CSNK1G1: variants seen among roughly 807,000 people sequenced by gnomAD.
CSNK1G1 encodes casein kinase I isoform gamma-1.
Under a neutral mutation model 59.6 loss-of-function variants are expected in CSNK1G1, and 22 were observed. That is an observed-to-expected ratio of 0.37 (90% CI 0.26 to 0.53). The LOEUF (loss-of-function observed/expected upper bound fraction) is 0.53. CSNK1G1 is among the 20% of genes least tolerant of loss of function. The pLI, the probability that CSNK1G1 is intolerant of heterozygous loss-of-function variation, is 0.89. For missense variants in CSNK1G1, 384 were observed against 519.5 expected, an observed-to-expected ratio of 0.74 and a Z score of 2.54; for synonymous variants, 179 against 177.1, an observed-to-expected ratio of 1.01 and a Z score of -0.08.
Position 64,207,504 on chromosome 15 carries a change from G to A in CSNK1G1, c.765+5C>T. 6.2e-7 allele frequency: 1 copy of A among 1,604,846 alleles called. No homozygotes were observed. The highest frequency in any genetic ancestry group is 8.5e-7 in the Non-Finnish European group (1 of 1,171,676). The stretch of plus-strand genomic sequence containing the variant: ...AAGCCCTCCACTGAACACTTTCAAG[G>A]ATACCTTGAGTCCTTGCCAGGGGAG... On this transcript the variant is annotated splice_donor_5th_base_variant and intron_variant, in intron 7 of 11. Transcript: ENST00000303052.
At chr15:64,292,999 G>A (rs1028704391) in intron 2 of CSNK1G1, among the ~76,000 whole-genome samples, 4 of 152,080 alleles carry the variant, frequency 2.6e-5, no homozygotes, top group Non-Finnish European at 4.4e-5. Context: ...GCAATTATTT[G>A]TACATTGAGG....
chr15:64,286,630 CT>C (rs761896618), intron 2 of CSNK1G1, among the ~76,000 whole-genome samples: 18 of 152,038 alleles, frequency 1.2e-4, no homozygotes, highest in Non-Finnish European at 2.2e-4. Flanking sequence ...TATTTATGAT[CT>C]TTGTACCCCC....
chr15:64,235,604 A>G (rs1596137361), intron 4 of CSNK1G1, among the ~76,000 whole-genome samples: 2 of 152,342 alleles, frequency 1.3e-5, no homozygotes, highest in South Asian at 4.1e-4. Context: ...AAGCAGAAAG[A>G]GTCTAAAAGT....
At chr15:64,181,136 C>T in intron 10 of CSNK1G1, 1 of 1,461,340 alleles carries the variant, frequency 6.8e-7, no homozygotes, top group East Asian at 2.5e-5. Flanking sequence ...TCCTCTCCGA[C>T]AAGAGGGAAG....
intron 1 of CSNK1G1, among the ~76,000 whole-genome samples, chr15:64,313,006 C>G (rs1447974005): frequency 6.6e-6 from 1 of 152,142 alleles, no homozygotes; most frequent in African/African-American, 2.4e-5. Context: ...TGAAAAAATG[C>G]TCATCATCAC....
intron 2 of CSNK1G1, among the ~76,000 whole-genome samples, chr15:64,260,802 C>A (rs1446267087): frequency 6.6e-6 from 1 of 152,034 alleles, no homozygotes; most frequent in African/African-American, 2.4e-5. Context: ...AACCTCTAGA[C>A]AACAGAAGGC....
In CSNK1G1 at chr15:64,168,953, T is replaced by G. The variant is rs550683747; in HGVS notation, c.*2978A>C. The G allele has an allele frequency of 4.6e-5, 7 of 152,796 alleles. 1 individual carries two copies. The South Asian group carries it at 1.5e-3, about 32-fold the overall frequency. 9.5% of individuals were successfully genotyped at this position (152,796 alleles called of 1,614,324 possible). On this transcript the variant is annotated 3_prime_UTR_variant, in exon 12 of 12. Coordinates refer to ENST00000303052, the MANE Select transcript of CSNK1G1 (RefSeq NM_022048.5). ...TAAAGGGACCTGGGATTCTTTACCC[T>G]TGTTATAAAAACCAAATATCTAGTA...
chr15:64,312,301 A>C (rs1251957750), intron 1 of CSNK1G1, among the ~76,000 whole-genome samples: 1 of 152,196 alleles, frequency 6.6e-6, no homozygotes, highest in Non-Finnish European at 1.5e-5. Flanking sequence ...AGCCAAGACA[A>C]TCCTAAGCAA....
rs1186836008 is a variant in CSNK1G1, at chr15:64,295,694, G to C, written c.181+4625C>G. On this transcript the variant is annotated intron_variant, in intron 2 of 11. Transcript: ENST00000303052. ...TACAACATGATAAGTATTACAATTA[G>C]AGCAAAATCTACAAGATGTCAACTT... Among the ~76,000 whole-genome samples the C allele has an allele frequency of 2.6e-5, 4 of 152,260 alleles. No homozygotes were observed. In the East Asian group the frequency reaches 7.7e-4, roughly 29 times the overall value.
intron 1 of CSNK1G1, among the ~76,000 whole-genome samples, chr15:64,346,388 G>A (rs368725731): frequency 1.3e-5 from 2 of 150,596 alleles, no homozygotes; most frequent in African/African-American, 4.9e-5. Flanking sequence ...ATAAATAGGA[G>A]AAAATGTAAG....
intron 11 of CSNK1G1, among the ~76,000 whole-genome samples, chr15:64,179,652 G>A (rs1189768472): frequency 6.6e-6 from 1 of 152,206 alleles, no homozygotes. Flanking sequence ...TGCTTTTGCA[G>A]CAGAATTGGC....
At position 64,318,536 on chromosome 15, in the gene CSNK1G1, ATTTC is replaced by A. The variant is rs556398050; in HGVS notation, c.-224-17817_-224-17814del. On this transcript the variant is annotated intron_variant, in intron 1 of 11. Transcript: ENST00000303052. ...GAAGGGCTGCTGAGTATAAACTTGT[ATTTC>A]TTTCTTTCTTTCTTTCTTTTTTTAA... Among the ~76,000 whole-genome samples, 13 of 148,932 alleles carry A rather than the reference ATTTC, an allele frequency of 8.7e-5. No homozygotes were observed. In the South Asian group the frequency reaches 1.1e-3, roughly 12 times the overall value.
At chr15:64,264,752 A>C (rs1393503201) in intron 2 of CSNK1G1, among the ~76,000 whole-genome samples, 2 of 152,264 alleles carry the variant, frequency 1.3e-5, no homozygotes, top group Non-Finnish European at 2.9e-5. Context: ...CGTCACATGA[A>C]CAGAATGAAA....
intron 2 of CSNK1G1, among the ~76,000 whole-genome samples, chr15:64,293,315 C>G (rs1596233071): frequency 6.6e-6 from 1 of 152,156 alleles, no homozygotes; most frequent in African/African-American, 2.4e-5. Context: ...GCAAAGGCCA[C>G]ATAGAAATAC....
intron 4 of CSNK1G1, among the ~76,000 whole-genome samples, chr15:64,239,509 G>A (rs1206044021): frequency 1.3e-5 from 2 of 152,022 alleles, no homozygotes; most frequent in South Asian, 2.1e-4. Context: ...ACAAGTAGCT[G>A]GGACTATAGG....
chr15:64,213,435 G>C (rs79201250), intron 6 of CSNK1G1, among the ~76,000 whole-genome samples: 6,585 of 152,246 alleles, frequency 0.043, 159 homozygotes, highest in South Asian at 0.081. Flanking sequence ...TATTTTCACT[G>C]AATAAGACAG....
At chr15:64,268,427 A>T (rs1424389857) in intron 2 of CSNK1G1, among the ~76,000 whole-genome samples, 1 of 152,206 alleles carries the variant, frequency 6.6e-6, no homozygotes, top group Non-Finnish European at 1.5e-5. Context: ...GACTATAGCT[A>T]ACAAAAGGAC....
Position 64,264,221 on chromosome 15 carries a change from T to G in CSNK1G1, c.182-4980A>C, listed in dbSNP as rs79838735. Among the ~76,000 whole-genome samples, 539 of 152,354 alleles carry G rather than the reference T, an allele frequency of 3.5e-3. 3 individuals are homozygous for G. Among genetic ancestry groups the G allele is most frequent in the African/African-American group, 0.013 (520 of 41,580 alleles). On this transcript the variant is annotated intron_variant, in intron 2 of 11. Transcript: ENST00000303052. ...GGGGAAAAGCAAATGGTGAAAGTTG[T>G]ATTTTTACAATATTAATCTGACAAC...
intron 4 of CSNK1G1, among the ~76,000 whole-genome samples, chr15:64,228,386 G>A (rs558737687): frequency 2.3e-4 from 35 of 152,222 alleles, no homozygotes; most frequent in Non-Finnish European, 3.5e-4. Context: ...GGTGGCTCAC[G>A]CCTGTAATCC....
Sources: allele counts gnomAD v4.1 joint callset (sites outside exome capture counted in the v4.1 genomes callset), GRCh38; gene constraint gnomAD v4.1.1; transcripts MANE v1.5; gene names NCBI Gene and HGNC (gene_info 2026-07-23, HGNC 2026-07-21).